PAPPA2: variants seen among roughly 807,000 people sequenced by gnomAD.
PAPPA2 encodes the protein pappalysin 2, also known as pappalysin-2.
A neutral mutation model predicts 176.4 loss-of-function variants in PAPPA2; 86 were observed. The observed-to-expected ratio is 0.49, with a 90% CI of 0.41 to 0.58. The LOEUF (loss-of-function observed/expected upper bound fraction) is 0.58, where lower values mean the gene tolerates loss of function less well. Among genes scored for constraint, PAPPA2 ranks in the 20% least tolerant of loss-of-function variants. The pLI, the probability that PAPPA2 is intolerant of heterozygous loss-of-function variation, is 0.00. For synonymous variants in PAPPA2, 809 were observed against 852.2 expected, an observed-to-expected ratio of 0.95 and a Z score of 0.88; for missense variants, 2,073 against 2,256.9, an observed-to-expected ratio of 0.92 and a Z score of 1.65.
At chr1:176,686,240 C>G (rs1187165779) in intron 4 of PAPPA2, among the ~76,000 whole-genome samples, 4 of 152,068 alleles carry the variant, frequency 2.6e-5, no homozygotes, top group Non-Finnish European at 5.9e-5. Context: ...ACTAACAGTT[C>G]AGTACGGTTT....
rs1573226301 is a variant in PAPPA2, at chr1:176,670,826, C to A, written c.1992-144C>A. 1.1e-5 allele frequency: 10 copies of A among 946,998 alleles called. No individual in the cohort carries two copies. The East Asian group carries it at 1.9e-4, about 18-fold the overall frequency. 58.7% of individuals were successfully genotyped at this position (946,998 alleles called of 1,614,324 possible). Reference sequence around the variant, plus strand: ...TATTAGTGCCTTTTCTTCTGGTCTTCATGACAGGCTGGTCTCTGCCCCATG... The same window carrying A: ...TATTAGTGCCTTTTCTTCTGGTCTTAATGACAGGCTGGTCTCTGCCCCATG... On this transcript the variant is annotated intron_variant, in intron 3 of 22. Transcript: ENST00000367662.
chr1:176,675,117 T>A (rs1286938490), intron 4 of PAPPA2, among the ~76,000 whole-genome samples: 1 of 152,094 alleles, frequency 6.6e-6, no homozygotes, highest in African/African-American at 2.4e-5. Flanking sequence ...AGTGTTATCT[T>A]CTAGAATTTT....
chr1:176,478,547 C>T (rs1652243919), intron 1 of PAPPA2, among the ~76,000 whole-genome samples: 2 of 152,234 alleles, frequency 1.3e-5, no homozygotes, highest in African/African-American at 4.8e-5. Context: ...CAATCACAGC[C>T]TCATGATAGT....
Position 176,732,126 on chromosome 1 carries a change from C to T in PAPPA2, c.3799-7500C>T, listed in dbSNP as rs145643344. 1.6e-4 allele frequency among the ~76,000 whole-genome samples: 24 copies of T among 152,268 alleles called. No homozygotes were observed. In the East Asian group the frequency reaches 3.5e-3, roughly 22 times the overall value. Reference sequence around the variant, plus strand: ...AGCAAAAAAAGAAAAAGCCCATGTACAGATGGCACCAAGTCCAATCACTAC... The same window carrying T: ...AGCAAAAAAAGAAAAAGCCCATGTATAGATGGCACCAAGTCCAATCACTAC... On this transcript the variant is annotated intron_variant, in intron 12 of 22. Transcript: ENST00000367662.
At chr1:176,820,154 A>C (rs371240420) in intron 21 of PAPPA2, among the ~76,000 whole-genome samples, 1 of 152,166 alleles carries the variant, frequency 6.6e-6, no homozygotes, top group African/African-American at 2.4e-5. Context: ...ACAAAAAAAA[A>C]CAACACGCAC....
intron 3 of PAPPA2, among the ~76,000 whole-genome samples, chr1:176,655,002 A>G (rs1212770373): frequency 6.6e-6 from 1 of 151,848 alleles, no homozygotes; most frequent in Non-Finnish European, 1.5e-5. Flanking sequence ...ACATAAGATC[A>G]TGTCATTAGT....
intron 2 of PAPPA2, among the ~76,000 whole-genome samples, chr1:176,565,349 T>C (rs1164888039): frequency 6.6e-6 from 1 of 152,160 alleles, no homozygotes; most frequent in Non-Finnish European, 1.5e-5. Context: ...CTGCACAATT[T>C]AGTAATCCTC....
intron 1 of PAPPA2, among the ~76,000 whole-genome samples, chr1:176,477,203 T>G (rs976005644): frequency 2.0e-5 from 3 of 152,202 alleles, no homozygotes; most frequent in Admixed American, 6.5e-5. Context: ...CATAGTCTCA[T>G]TGCATATCCT....
At chr1:176,744,504 C>T (rs1662819621) in intron 14 of PAPPA2, among the ~76,000 whole-genome samples, 1 of 152,152 alleles carries the variant, frequency 6.6e-6, no homozygotes, top group African/African-American at 2.4e-5. Context: ...ATATATCTCC[C>T]AATATATAAC....
intron 1 of PAPPA2, among the ~76,000 whole-genome samples, chr1:176,508,870 A>G (rs1648450639): frequency 6.6e-6 from 1 of 152,106 alleles, no homozygotes; most frequent in Non-Finnish European, 1.5e-5. Context: ...TGCCATGATC[A>G]TAAGTGTCCT....
intron 1 of PAPPA2, among the ~76,000 whole-genome samples, chr1:176,514,725 C>A (rs1452376454): frequency 6.6e-6 from 1 of 152,156 alleles, no homozygotes; most frequent in East Asian, 1.9e-4. Flanking sequence ...GAATCTGTTT[C>A]AAGGAAATTT....
intron 3 of PAPPA2, among the ~76,000 whole-genome samples, chr1:176,665,397 TCTG>T (rs1225376355): frequency 1.3e-5 from 2 of 152,096 alleles, no homozygotes; most frequent in Non-Finnish European, 2.9e-5. Flanking sequence ...GCCCTATTTC[TCTG>T]GGGAAAAGCT....
At chr1:176,617,947 T>C (rs181343090) in intron 3 of PAPPA2, among the ~76,000 whole-genome samples, 13 of 152,250 alleles carry the variant, frequency 8.5e-5, no homozygotes, top group Admixed American at 2.0e-4. Context: ...TTGAAATGAC[T>C]TGTCTGAAAA....
At chr1:176,832,598 C>A (rs776190197) in intron 21 of PAPPA2, among the ~76,000 whole-genome samples, 1 of 152,118 alleles carries the variant, frequency 6.6e-6, no homozygotes, top group Non-Finnish European at 1.5e-5. Flanking sequence ...GGTGATCCAC[C>A]CACCTCGGCC....
chr1:176,784,825 A>G lies in PAPPA2; in HGVS notation c.4716-4984A>G, dbSNP rs188905604. Among the ~76,000 whole-genome samples the G allele has an allele frequency of 4.8e-3, 727 of 152,076 alleles. 11 individuals carry two copies. Among genetic ancestry groups the G allele is most frequent in the African/African-American group, 0.017 (692 of 41,474 alleles). On this transcript the variant is annotated intron_variant, in intron 17 of 22. Transcript: ENST00000367662. The stretch of plus-strand genomic sequence containing the variant: ...CTGGTCTTGAACTCCTGACCTCATG[A>G]TCCACCCACCTTGGCCTCCCAAAGT...
intron 4 of PAPPA2, among the ~76,000 whole-genome samples, chr1:176,689,322 A>T (rs1189056678): frequency 2.0e-5 from 3 of 152,196 alleles, no homozygotes; most frequent in Admixed American, 2.0e-4. Flanking sequence ...TAAGTCTCTC[A>T]TCTAAGCCTG....
At chr1:176,794,036 C>T (rs982843209) in intron 20 of PAPPA2, among the ~76,000 whole-genome samples, 6 of 151,924 alleles carry the variant, frequency 3.9e-5, no homozygotes, top group South Asian at 2.1e-4. Flanking sequence ...GGCAACAGAG[C>T]GAGACTCCAT....
chr1:176,790,085 A>G (rs1360372757), intron 18 of PAPPA2, 108 bp downstream of exon 18: 1 of 1,295,368 alleles, frequency 7.7e-7, no homozygotes, highest in Non-Finnish European at 1.1e-6. Context: ...ACAGGCAGGG[A>G]CTTGGGATTC....
At chr1:176,667,250 A>AAAAAAAAG (rs1658714664) in intron 3 of PAPPA2, among the ~76,000 whole-genome samples, 1 of 152,070 alleles carries the variant, frequency 6.6e-6, no homozygotes, top group Admixed American at 6.5e-5. Flanking sequence ...CGGTCTCAAA[A>AAAAAAAAG]AAAAAAAGAA....
Sources: gnomAD v4.1 joint callset for allele counts (sites outside exome capture counted in the v4.1 genomes callset) on GRCh38, gnomAD v4.1.1 for gene constraint, MANE v1.5 for transcripts, NCBI Gene and HGNC (gene_info 2026-07-23, HGNC 2026-07-21) for gene names.